The following ESR1 variants were observed in gnomAD, a reference collection of about 807,000 sequenced individuals.
ESR1 encodes estrogen receptor 1.
A neutral mutation model predicts 52.7 loss-of-function variants in ESR1; 12 were observed. The observed-to-expected ratio is 0.23, with a 90% CI of 0.15 to 0.37. The LOEUF is 0.37. Ranked by LOEUF, ESR1 falls within the 10% of genes least tolerant of loss-of-function variation. ESR1 has a pLI of 1.00. For missense variants in ESR1, 584 were observed against 779.7 expected, an observed-to-expected ratio of 0.75 and a Z score of 2.99; for synonymous variants, 305 against 316.8, an observed-to-expected ratio of 0.96 and a Z score of 0.39.
chr6:151,870,993 A>G (rs922561154), intron 2 of ESR1, among the ~76,000 whole-genome samples: 2 of 152,016 alleles, frequency 1.3e-5, no homozygotes, highest in African/African-American at 4.8e-5. Flanking sequence ...CTGGGATGAC[A>G]GGACCACACT....
At chr6:152,047,552 C>A (rs2982735) in intron 5 of ESR1, among the ~76,000 whole-genome samples, 63,794 of 151,720 alleles carry the variant, frequency 0.42, 14,778 homozygotes, top group African/African-American at 0.6. Flanking sequence ...AAGAGCTTTG[C>A]CAGTGGAATG....
chr6:152,106,206 A>G (rs2051065500), downstream of ESR1, among the ~76,000 whole-genome samples: 1 of 152,242 alleles, frequency 6.6e-6, no homozygotes, highest in Admixed American at 6.5e-5. Context: ...ATTACCACAT[A>G]TATTATATCT....
At position 151,705,604 on chromosome 6, in the gene ESR1, C is replaced by T. The variant is rs1186114539; in HGVS notation, c.-71+3599C>T. On this transcript the variant is annotated intron_variant, in intron 2 of 2. Transcript: ENST00000404742. ...ACTAATGAATAAGCTGCCATTATGT[C>T]TCTTCATTCTCTATTTAGGACAAAT... Among the ~76,000 whole-genome samples, 7 of 152,076 alleles carry T rather than the reference C, an allele frequency of 4.6e-5. No homozygotes were observed. The South Asian group carries it at 6.2e-4, about 14-fold the overall frequency.
At chr6:151,659,684 A>C (rs1777573451) in intron 1 of ESR1, among the ~76,000 whole-genome samples, 1 of 152,322 alleles carries the variant, frequency 6.6e-6, no homozygotes, top group East Asian at 1.9e-4. Context: ...CTTCTCTAAT[A>C]ACACTCCAGT....
intron 2 of ESR1, among the ~76,000 whole-genome samples, chr6:151,843,340 G>C (rs1374919242): frequency 6.6e-6 from 1 of 152,066 alleles, no homozygotes; most frequent in African/African-American, 2.4e-5. Context: ...TCTTGTAATG[G>C]GGAGATATCA....
intron 4 of ESR1, among the ~76,000 whole-genome samples, chr6:151,997,050 G>A (rs2041551121): frequency 6.6e-6 from 1 of 151,562 alleles, no homozygotes; most frequent in East Asian, 1.9e-4. Flanking sequence ...CCCTATGTAA[G>A]TAGACTTCCT....
chr6:152,106,971 C>A (rs552968627), downstream of ESR1, among the ~76,000 whole-genome samples: 1 of 152,264 alleles, frequency 6.6e-6, no homozygotes, highest in South Asian at 2.1e-4. Flanking sequence ...AAATCAGAGC[C>A]ACCCATGTTT....
At chr6:151,727,631 T>G (rs2128033532) in intron 2 of ESR1, among the ~76,000 whole-genome samples, 1 of 152,334 alleles carries the variant, frequency 6.6e-6, no homozygotes, top group African/African-American at 2.4e-5. Context: ...GAATAGCAAC[T>G]GATACGGTTT....
At chr6:151,672,924 G>T (rs1180380731) in intron 1 of ESR1, among the ~76,000 whole-genome samples, 16 of 149,450 alleles carry the variant, frequency 1.1e-4, no homozygotes, top group African/African-American at 3.0e-4. Flanking sequence ...TGCCTCCCGG[G>T]TTCACGCCAT....
chr6:151,682,348 A>G (rs1263892159), intron 1 of ESR1, among the ~76,000 whole-genome samples: 3 of 152,094 alleles, frequency 2.0e-5, no homozygotes, highest in African/African-American at 7.2e-5. Flanking sequence ...TTTTTTTGGT[A>G]TAAAGGGAAG....
chr6:151,688,460 T>C (rs1167247580), upstream of ESR1, among the ~76,000 whole-genome samples: 1 of 152,116 alleles, frequency 6.6e-6, no homozygotes, highest in Non-Finnish European at 1.5e-5. Context: ...AACTGCAAAA[T>C]GGGTTTTTAG....
chr6:151,736,287 G>A (rs1002696063), intron 2 of ESR1, among the ~76,000 whole-genome samples: 3 of 151,110 alleles, frequency 2.0e-5, no homozygotes, highest in Non-Finnish European at 4.4e-5. Context: ...AAATTGTATT[G>A]TGGATCATAA....
At chr6:151,738,814 C>T (rs897194106) in intron 2 of ESR1, among the ~76,000 whole-genome samples, 6 of 152,100 alleles carry the variant, frequency 3.9e-5, no homozygotes. Context: ...TCAAAGTAGG[C>T]TTAATTTTGA....
In ESR1 at chr6:152,098,848, G is replaced by T. The variant is rs752392486; in HGVS notation, c.1670G>T (p.Gly557Val). ...CTACATGCGCCCACTAGCCGTGGAG[G>T]GGCATCCGTGGAGGAGACGGACCAA... ...HRLHAPTSRG[G>V]ASVEETDQSH... Residue 557 changes from glycine to valine, a missense_variant, in exon 8 of 8, where the codon GGG becomes GTG. Transcript: ENST00000206249. The surrounding 1 kb of genome is among the most constrained non-coding windows in gnomAD (Gnocchi z 5.1). 1.2e-5 allele frequency: 20 copies of T among 1,614,070 alleles called. No individual in the cohort carries two copies. In the African/African-American group the frequency reaches 1.3e-4, roughly 11 times the overall value.
chr6:151,956,843 A>AATAT (rs1253747719), intron 4 of ESR1, among the ~76,000 whole-genome samples: 1,835 of 44,354 alleles, frequency 0.041, 48 homozygotes, highest in African/African-American at 0.11. Flanking sequence ...AATATAAATA[A>AATAT]ATATATATAT....
chr6:152,035,469 G>A (rs2045208188), intron 5 of ESR1, among the ~76,000 whole-genome samples: 1 of 151,998 alleles, frequency 6.6e-6, no homozygotes, highest in African/African-American at 2.4e-5. Flanking sequence ...CCATGTTTAT[G>A]GTTAGGAAGA....
At chr6:151,861,603 G>T (rs190923435) in intron 2 of ESR1, among the ~76,000 whole-genome samples, 126 of 152,268 alleles carry the variant, frequency 8.3e-4, no homozygotes, top group Non-Finnish European at 1.6e-3. Context: ...CACGTTCACT[G>T]CAAAGCCCAG....
intron 3 of ESR1, among the ~76,000 whole-genome samples, chr6:151,937,286 T>C (rs2034478277): frequency 6.6e-6 from 1 of 152,110 alleles, no homozygotes; most frequent in African/African-American, 2.4e-5. Context: ...ATGGCGGGTA[T>C]GAGATGACCA....
chr6:151,852,637 G>A (rs77401409), intron 2 of ESR1, among the ~76,000 whole-genome samples: 3,718 of 100,766 alleles, frequency 0.037, 161 homozygotes, highest in African/African-American at 0.11. Context: ...AACCAAGCAG[G>A]TGTTTTTTTT....
Sources: allele counts gnomAD v4.1 joint callset (sites outside exome capture counted in the v4.1 genomes callset), GRCh38; gene constraint gnomAD v4.1.1; non-coding constraint Gnocchi (gnomAD v3.1); transcripts MANE v1.5; gene names NCBI Gene and HGNC (gene_info 2026-07-23, HGNC 2026-07-21).